The following TOP2B variants were observed in gnomAD, a reference collection of about 807,000 sequenced individuals.
TOP2B encodes DNA topoisomerase 2-beta.
TOP2B carries 51 observed loss-of-function variants against 193.5 expected under a neutral mutation model. That is an observed-to-expected ratio of 0.26 (90% CI 0.21 to 0.33). The LOEUF (loss-of-function observed/expected upper bound fraction) is 0.33. TOP2B is among the 10% of genes least tolerant of loss of function. The pLI is 1.00. For synonymous variants in TOP2B, 634 were observed against 635.7 expected (o/e 1.00, Z 0.04); for missense variants, 1,378 against 1,909.3 (o/e 0.72, Z 5.19).
chr3:25,658,246 A>G (rs1002731585), intron 1 of TOP2B, among the ~76,000 whole-genome samples: 2 of 150,960 alleles, frequency 1.3e-5, no homozygotes, highest in Non-Finnish European at 3.0e-5. Flanking sequence ...AATATATAAT[A>G]ATAATTATTA....
intron 18 of TOP2B, among the ~76,000 whole-genome samples, chr3:25,625,954 A>G (rs926533014): frequency 6.6e-6 from 1 of 152,220 alleles, no homozygotes; most frequent in Non-Finnish European, 1.5e-5. Flanking sequence ...AAGGCTTCAT[A>G]GAAGAAAGGC....
At chr3:25,603,885 G>A (rs148988871) in intron 33 of TOP2B, among the ~76,000 whole-genome samples, 222 of 152,324 alleles carry the variant, frequency 1.5e-3, no homozygotes, top group African/African-American at 4.9e-3. Context: ...GAGCAGGGGG[G>A]TGTTAATATT....
chr3:25,658,329 GTAATTTA>G (rs1382290193), intron 1 of TOP2B, among the ~76,000 whole-genome samples: 4 of 151,672 alleles, frequency 2.6e-5, no homozygotes, highest in African/African-American at 9.7e-5. Flanking sequence ...AAGTTTATTT[GTAATTTA>G]TTTCCCTGCC....
chr3:25,611,141 G>C (rs1702358671), intron 28 of TOP2B, among the ~76,000 whole-genome samples: 1 of 152,170 alleles, frequency 6.6e-6, no homozygotes, highest in Non-Finnish European at 1.5e-5. Flanking sequence ...TAGGAACACA[G>C]ATTTAGGGGC....
At chr3:25,620,567 A>G in intron 22 of TOP2B, 115 bp downstream of exon 22, 1 of 1,090,760 alleles carries the variant, frequency 9.2e-7, no homozygotes, top group Non-Finnish European at 1.3e-6. Flanking sequence ...AAGAAGGTAC[A>G]GGAATTTTTT....
chr3:25,632,296 T>C, intron 10 of TOP2B, 150 bp downstream of exon 10: 2 of 674,740 alleles, frequency 3.0e-6, no homozygotes, highest in South Asian at 4.2e-5. Flanking sequence ...CCTTTAAAGT[T>C]ATCAAATTAA....
chr3:25,609,544 T>C (rs1702317170), intron 29 of TOP2B, 24 bp downstream of exon 29: 3 of 1,599,492 alleles, frequency 1.9e-6, no homozygotes, highest in Non-Finnish European at 2.6e-6. Context: ...CTCACACACA[T>C]GCAAAACTAT....
intron 14 of TOP2B, 41 bp from the exon 15 acceptor site, chr3:25,628,993 CT>C (rs1174307026): frequency 6.3e-7 from 1 of 1,576,884 alleles, no homozygotes; most frequent in East Asian, 2.3e-5. Context: ...TTCTGCTACC[CT>C]TTAAGACAAC....
At chr3:25,597,937 T>C (rs1249308754), downstream of TOP2B, 2 of 156,538 alleles carry the variant, frequency 1.3e-5, no homozygotes, top group Non-Finnish European at 2.8e-5. Context: ...TTTAAAGGTG[T>C]GTGGGAGCTT....
At chr3:25,634,117 A>G in intron 7 of TOP2B, 103 bp from the exon 8 acceptor site, 8 of 847,344 alleles carry the variant, frequency 9.4e-6, no homozygotes, top group Non-Finnish European at 1.4e-5. Context: ...CACTTACAAC[A>G]GTTCTAAGTG....
chr3:25,620,210 G>A, intron 22 of TOP2B, 148 bp from the exon 23 acceptor site: 1 of 607,372 alleles, frequency 1.6e-6, no homozygotes, highest in Non-Finnish European at 2.8e-6. Flanking sequence ...AATCAGTATA[G>A]AAGGCAATAC....
At chr3:25,601,911 A>G (rs977406050) in intron 33 of TOP2B, among the ~76,000 whole-genome samples, 5 of 152,192 alleles carry the variant, frequency 3.3e-5, no homozygotes, top group Non-Finnish European at 7.3e-5. Flanking sequence ...AAAAAAATGT[A>G]TGGGATCCTC....
Position 25,615,539 on chromosome 3 carries a change from G to A in TOP2B, c.3399C>T (p.Ser1133=), listed in dbSNP as rs373384760. The part of the protein sequence containing the change: ...ETQNQHDDSS[S]DSGTPSGPDF... ...CTGGGCCTGAAGGAGTTCCTGAATC[G>A]GAGGAACTATCATCATGCTGGTTTT... Residue 1133 remains serine (S), a synonymous_variant, in exon 26 of 36, where the codon TCC becomes TCT. Transcript: ENST00000264331. 49 of 1,574,176 alleles carry A rather than the reference G, an allele frequency of 3.1e-5. No homozygotes were observed. Among genetic ancestry groups the A allele is most frequent in the South Asian group, 1.4e-4 (12 of 84,916 alleles).
intron 15 of TOP2B, 100 bp downstream of exon 15, chr3:25,628,747 G>A (rs1050702043): frequency 3.7e-5 from 25 of 676,462 alleles, no homozygotes; most frequent in African/African-American, 2.0e-4. Flanking sequence ...AGCTATTTTC[G>A]AAGTCTAAAA....
At position 25,645,342 on chromosome 3, in the gene TOP2B, A is replaced by G; in HGVS notation, c.198T>C (p.Leu66=). ...CTGACCCAATATATGTATCAGGACG[A>G]AGAAGAATGTGTTCAAGTTGTGTCT... ...QKKTQLEHIL[L]RPDTYIGSVE... is the part of the protein sequence containing the mutation. The change falls in exon 2 of 36, where the codon CTT becomes CTC. Residue 66 remains leucine (L), a synonymous_variant. Coordinates refer to ENST00000264331, the MANE Select transcript of TOP2B (RefSeq NM_001330700.2). 1 of 1,612,378 alleles carries G rather than the reference A, an allele frequency of 6.2e-7. No homozygotes were observed. The highest frequency in any genetic ancestry group is 8.5e-7 in the Non-Finnish European group (1 of 1,179,092).
chr3:25,603,879 AG>A lies in TOP2B; in HGVS notation c.4489+880del, dbSNP rs977214190. Reference sequence around the variant, plus strand: ...CTGCTAGTTAAAGGCAGCTGGGAGCAGGGGGGTGTTAATATTCCAGCACAGT... The same window carrying A: ...CTGCTAGTTAAAGGCAGCTGGGAGCAGGGGGTGTTAATATTCCAGCACAGT... On this transcript the variant is annotated intron_variant, in intron 33 of 35. Coordinates refer to ENST00000264331, the MANE Select transcript of TOP2B (RefSeq NM_001330700.2). 5.3e-5 allele frequency among the ~76,000 whole-genome samples: 8 copies of A among 151,448 alleles called. 1 individual carries two copies. The South Asian group carries it at 1.7e-3, about 31-fold the overall frequency.
At chr3:25,661,588 A>G (rs1415136289) in intron 1 of TOP2B, among the ~76,000 whole-genome samples, 2 of 152,228 alleles carry the variant, frequency 1.3e-5, no homozygotes, top group Non-Finnish European at 2.9e-5. Flanking sequence ...GCCTTAAGAG[A>G]AGCCTTTGTA....
At chr3:25,627,124 G>C (rs1022238514) in intron 16 of TOP2B, 63 bp downstream of exon 16, 46 of 1,167,700 alleles carry the variant, frequency 3.9e-5, no homozygotes, top group African/African-American at 6.2e-5. Flanking sequence ...CCAGGACTGG[G>C]AGGAAAGGAA....
chr3:25,646,542 C>A (rs1185121360), intron 1 of TOP2B, among the ~76,000 whole-genome samples: 9 of 152,188 alleles, frequency 5.9e-5, no homozygotes, highest in Non-Finnish European at 1.3e-4. Flanking sequence ...TTAATGCTGA[C>A]AAATATGACA....
Sources: gnomAD v4.1 joint callset for allele counts (sites outside exome capture counted in the v4.1 genomes callset) on GRCh38, gnomAD v4.1.1 for gene constraint, MANE v1.5 for transcripts, NCBI Gene and HGNC (gene_info 2026-07-23, HGNC 2026-07-21) for gene names.